The following IL1RAPL2 variants were observed in gnomAD, a reference collection of about 807,000 sequenced individuals.
IL1RAPL2 encodes the protein interleukin 1 receptor accessory protein like 2, also known as X-linked interleukin-1 receptor accessory protein-like 2.
IL1RAPL2 carries 3 observed loss-of-function variants against 44.1 expected under a neutral mutation model. The observed-to-expected ratio is 0.07, with a 90% confidence interval of 0.03 to 0.18. IL1RAPL2 has a LOEUF of 0.18. Ranked by LOEUF, IL1RAPL2 falls within the 10% of genes least tolerant of loss-of-function variation. IL1RAPL2 has a pLI of 1.00. For synonymous variants in IL1RAPL2, 181 were observed against 178.8 expected (o/e 1.01, Z -0.10); for missense variants, 391 against 496.4 (o/e 0.79, Z 2.02).
At chrX:105,616,741 C>A (rs996726775) in intron 6 of IL1RAPL2, among the ~76,000 whole-genome samples, 1 of 111,191 alleles carries the variant, frequency 9.0e-6, no homozygotes, top group African/African-American at 3.3e-5. Flanking sequence ...TTTTCATCTT[C>A]ACAATATTGT....
intron 2 of IL1RAPL2, among the ~76,000 whole-genome samples, chrX:105,179,776 AT>A (rs377379863): frequency 1.6e-3 from 138 of 86,146 alleles, no homozygotes; most frequent in African/African-American, 4.0e-3. Flanking sequence ...TGCTTTCTTG[AT>A]TTTTTTTTTT....
At chrX:104,687,451 G>T (rs1326508681) in intron 2 of IL1RAPL2, among the ~76,000 whole-genome samples, 2 of 111,371 alleles carry the variant, frequency 1.8e-5, no homozygotes, top group African/African-American at 6.5e-5. Context: ...TTACCTCAAG[G>T]ATGGCACCAA....
At chrX:105,553,580 G>T (rs1378285281) in intron 6 of IL1RAPL2, among the ~76,000 whole-genome samples, 1 of 111,550 alleles carries the variant, frequency 9.0e-6, no homozygotes, top group East Asian at 2.8e-4. Context: ...GACAACATTT[G>T]TCTCTAGGTA....
chrX:105,194,987 G>A (rs922728018), intron 2 of IL1RAPL2, among the ~76,000 whole-genome samples: 1 of 110,433 alleles, frequency 9.1e-6, no homozygotes, highest in Non-Finnish European at 1.9e-5. Context: ...TCTCAGGACC[G>A]CTTCTAGGCT....
rs746601682 is a variant in IL1RAPL2 at position 104,975,545 on chromosome X, T to A, written c.83-219930T>A. ...CAAGTTATTTGTGAGTAATGACAAGTTAAATCAAAGAACATGGTAAACTTA... is the reference window on the plus strand; with the variant it reads ...CAAGTTATTTGTGAGTAATGACAAGATAAATCAAAGAACATGGTAAACTTA... On this transcript the variant is annotated intron_variant, in intron 2 of 10. Coordinates refer to ENST00000372582, the MANE Select transcript of IL1RAPL2 (RefSeq NM_017416.2). Among the ~76,000 whole-genome samples the A allele has an allele frequency of 2.9e-4, 33 of 112,718 alleles. 1 individual carries two copies. In the South Asian group the frequency reaches 0.01, roughly 36 times the overall value.
At chrX:105,423,267 A>G (rs1374430396) in intron 5 of IL1RAPL2, among the ~76,000 whole-genome samples, 1 of 111,793 alleles carries the variant, frequency 8.9e-6, no homozygotes, top group East Asian at 2.8e-4. Context: ...TAAAGGATTA[A>G]TTAGGTCAGA....
intron 6 of IL1RAPL2, among the ~76,000 whole-genome samples, chrX:105,527,937 G>T (rs1259343423): frequency 8.9e-6 from 1 of 111,872 alleles, no homozygotes; most frequent in Non-Finnish European, 1.9e-5. Context: ...CAGAACTGCT[G>T]CCCAGAAAGC....
intron 2 of IL1RAPL2, among the ~76,000 whole-genome samples, chrX:104,699,976 C>A (rs1602686913): frequency 9.0e-6 from 1 of 111,256 alleles, no homozygotes; most frequent in East Asian, 2.9e-4. Context: ...TGCTCAGAAG[C>A]CATTGATGAG....
At chrX:105,546,711 C>G (rs2036804100) in intron 6 of IL1RAPL2, among the ~76,000 whole-genome samples, 1 of 110,852 alleles carries the variant, frequency 9.0e-6, no homozygotes, top group African/African-American at 3.3e-5. Context: ...GAAACATGCC[C>G]CATGAGTAAT....
chrX:104,779,290 G>A (rs1425648848), intron 2 of IL1RAPL2, among the ~76,000 whole-genome samples: 1 of 112,409 alleles, frequency 8.9e-6, no homozygotes, highest in Non-Finnish European at 1.9e-5. Flanking sequence ...GATGGTCTGG[G>A]TTCATGTGCT....
At chrX:104,619,357 C>T (rs1228071763) in intron 1 of IL1RAPL2, among the ~76,000 whole-genome samples, 5 of 112,258 alleles carry the variant, frequency 4.5e-5, no homozygotes, top group Non-Finnish European at 7.5e-5. Flanking sequence ...AACTTACCTC[C>T]AGGTCTTGGG....
chrX:105,104,576 T>C (rs1209198156), intron 2 of IL1RAPL2, among the ~76,000 whole-genome samples: 10 of 112,001 alleles, frequency 8.9e-5, no homozygotes, highest in Non-Finnish European at 1.7e-4. Context: ...CACTGATCCC[T>C]AGGCAAAGGC....
chrX:104,623,470 ATAAC>A (rs1929438519), intron 1 of IL1RAPL2, among the ~76,000 whole-genome samples: 1 of 111,108 alleles, frequency 9.0e-6, no homozygotes, highest in Non-Finnish European at 1.9e-5. Flanking sequence ...GTTGAATGAC[ATAAC>A]ATTGGTAGAT....
chrX:105,693,366 T>C (rs993372648), intron 6 of IL1RAPL2, among the ~76,000 whole-genome samples: 3 of 111,555 alleles, frequency 2.7e-5, no homozygotes, highest in East Asian at 5.7e-4. Flanking sequence ...GCCATCCTCA[T>C]AGTAATGAGT....
chrX:104,911,154 C>T (rs1445916925), intron 2 of IL1RAPL2, among the ~76,000 whole-genome samples: 1 of 111,549 alleles, frequency 9.0e-6, no homozygotes, highest in Non-Finnish European at 1.9e-5. Flanking sequence ...AAATTATCAA[C>T]CTCCCATCTC....
chrX:104,644,620 C>G (rs754023901), intron 1 of IL1RAPL2, among the ~76,000 whole-genome samples: 1 of 111,009 alleles, frequency 9.0e-6, no homozygotes, highest in South Asian at 3.8e-4. Flanking sequence ...CGACCATTCC[C>G]CCTTTTCTGG....
intron 6 of IL1RAPL2, among the ~76,000 whole-genome samples, chrX:105,545,623 ATTCT>A (rs2036789198): frequency 8.9e-6 from 1 of 111,912 alleles, no homozygotes; most frequent in Non-Finnish European, 1.9e-5. Context: ...TGAATATGTA[ATTCT>A]AGCCTTCATT....
chrX:104,796,654 T>C (rs1188290375), intron 2 of IL1RAPL2, among the ~76,000 whole-genome samples: 1 of 112,563 alleles, frequency 8.9e-6, no homozygotes, highest in African/African-American at 3.2e-5. Context: ...CTAGCACTGC[T>C]ATGCAAAAAG....
At chrX:105,034,555 G>A (rs977886431) in intron 2 of IL1RAPL2, among the ~76,000 whole-genome samples, 19 of 111,978 alleles carry the variant, frequency 1.7e-4, no homozygotes, top group Admixed American at 9.5e-4. Context: ...GTAGAACAGC[G>A]GATATTGGTG....
Sources: gnomAD v4.1 joint callset for allele counts (sites outside exome capture counted in the v4.1 genomes callset) on GRCh38, gnomAD v4.1.1 for gene constraint, MANE v1.5 for transcripts, NCBI Gene and HGNC (gene_info 2026-07-23, HGNC 2026-07-21) for gene names.